The following HIVEP1 variants were observed in gnomAD, a reference collection of about 807,000 sequenced individuals.
HIVEP1 encodes HIVEP zinc finger 1, also known as zinc finger protein 40.
Under a neutral mutation model 180.0 loss-of-function variants are expected in HIVEP1, and 36 were observed. The ratio of observed to expected loss-of-function variants is 0.20; its 90% CI spans 0.15 to 0.26. The LOEUF (loss-of-function observed/expected upper bound fraction) is 0.26, where lower values mean the gene tolerates loss of function less well. Among genes scored for constraint, HIVEP1 ranks in the 10% least tolerant of loss-of-function variants. The probability of loss-of-function intolerance (pLI) is 1.00; values close to 1 mark genes in which losing one functional copy is unlikely to be tolerated. For synonymous variants in HIVEP1, 1,239 were observed against 1,239.0 expected, an observed-to-expected ratio of 1.00 and a Z score of 0.00; for missense variants, 3,143 against 3,268.7, an observed-to-expected ratio of 0.96 and a Z score of 0.94.
At chr6:12,141,277 A>G (rs1043733982) in intron 7 of HIVEP1, among the ~76,000 whole-genome samples, 2 of 152,156 alleles carry the variant, frequency 1.3e-5, no homozygotes, top group Non-Finnish European at 2.9e-5. Flanking sequence ...ACTAAGCCTC[A>G]TAAGTGAAGG....
intron 2 of HIVEP1, among the ~76,000 whole-genome samples, chr6:12,050,445 G>T (rs1357490509): frequency 6.6e-6 from 1 of 152,104 alleles, no homozygotes; most frequent in Non-Finnish European, 1.5e-5. Flanking sequence ...CACTAGCCGG[G>T]CGTAGTGGCA....
At chr6:12,055,146 G>A (rs1409206806) in intron 2 of HIVEP1, among the ~76,000 whole-genome samples, 1 of 152,174 alleles carries the variant, frequency 6.6e-6, no homozygotes, top group East Asian at 1.9e-4. Flanking sequence ...TTTTTAGAAT[G>A]TATACTTGAG....
chr6:12,173,885 G>C, the HIVEP1 span, among the ~76,000 whole-genome samples: 1 of 152,164 alleles, frequency 6.6e-6, no homozygotes, highest in African/African-American at 2.4e-5. Flanking sequence ...AGCCAGCTCT[G>C]AGATCAGTCA....
At chr6:12,184,022 TAGACAGACAGACAGACAGAC>T in the HIVEP1 span, among the ~76,000 whole-genome samples, 14 of 101,980 alleles carry the variant, frequency 1.4e-4, 1 homozygote, top group African/African-American at 4.0e-4. Flanking sequence ...GATAGATAGA[TAGACAGACAGACAGACAGAC>T]AGACAGACAG....
chr6:12,152,085 G>A (rs1759739002), intron 7 of HIVEP1, among the ~76,000 whole-genome samples: 1 of 152,124 alleles, frequency 6.6e-6, no homozygotes, highest in Non-Finnish European at 1.5e-5. Context: ...GAACCTGGGA[G>A]GCAGAGGTTG....
intron 2 of HIVEP1, among the ~76,000 whole-genome samples, chr6:12,069,585 G>A (rs1393293195): frequency 9.6e-5 from 11 of 114,680 alleles, no homozygotes; most frequent in Non-Finnish European, 1.9e-4. Flanking sequence ...GGTGGGGGGA[G>A]GGGGGAGGGA....
At chr6:12,211,954 G>A in the HIVEP1 span, among the ~76,000 whole-genome samples, 1 of 152,114 alleles carries the variant, frequency 6.6e-6, no homozygotes, top group African/African-American at 2.4e-5. Context: ...ATGATATATA[G>A]CAACCAATGC....
chr6:12,141,353 C>A (rs1360409954), intron 7 of HIVEP1, among the ~76,000 whole-genome samples: 2 of 152,074 alleles, frequency 1.3e-5, no homozygotes, highest in South Asian at 4.2e-4. Context: ...ACCTGCCTTA[C>A]GAGAGTTCCT....
chr6:12,133,666 C>T (rs566770375), intron 6 of HIVEP1, among the ~76,000 whole-genome samples: 2 of 152,230 alleles, frequency 1.3e-5, no homozygotes, highest in East Asian at 3.9e-4. Flanking sequence ...CCTGCAATGG[C>T]TGTCTATCTA....
rs1757955367 is a variant in HIVEP1 at position 12,124,819 on chromosome 6, G to C, written c.5024G>C (p.Ser1675Thr). 3 of 1,614,054 alleles carry C rather than the reference G, an allele frequency of 1.9e-6. No homozygotes were observed. Among genetic ancestry groups the C allele is most frequent in the African/African-American group, 1.3e-5 (1 of 74,920 alleles). ...CAGCCAATTTGCCAGACTAATCATA[G>C]TGTAGTGCCAATCAGTGAAGAACAA... is the stretch of plus-strand genomic sequence containing the variant. ...PNQPICQTNH[S>T]VVPISEEQNS... The change falls in exon 4 of 9, where the codon AGT becomes ACT. Residue 1675 changes from serine to threonine, a missense_variant. Physicochemically the swap from Ser to Thr is moderately conservative, Grantham distance 58 (BLOSUM62 1). Coordinates refer to ENST00000379388, the MANE Select transcript of HIVEP1 (RefSeq NM_002114.4).
At chr6:12,185,518 A>G in the HIVEP1 span, among the ~76,000 whole-genome samples, 1 of 152,228 alleles carries the variant, frequency 6.6e-6, no homozygotes, top group South Asian at 2.1e-4. Context: ...CTGACCTGGC[A>G]GAGTGGAGTC....
intron 2 of HIVEP1, among the ~76,000 whole-genome samples, chr6:12,045,365 G>C (rs1435320209): frequency 1.3e-5 from 2 of 152,240 alleles, no homozygotes; most frequent in Non-Finnish European, 2.9e-5. Flanking sequence ...CCTGAAAGGA[G>C]GGTGGAGCAT....
intron 2 of HIVEP1, among the ~76,000 whole-genome samples, chr6:12,070,828 T>C (rs1771921474): frequency 6.6e-6 from 1 of 152,236 alleles, no homozygotes. Context: ...TTCCCATCCA[T>C]CTGATCAGTA....
chr6:12,017,078 A>C (rs548020759), intron 2 of HIVEP1, among the ~76,000 whole-genome samples: 33 of 152,358 alleles, frequency 2.2e-4, no homozygotes, highest in African/African-American at 7.7e-4. Flanking sequence ...TTATTAGGCC[A>C]TAAGTATTAA....
chr6:12,091,747 T>A (rs1773489638), intron 3 of HIVEP1, among the ~76,000 whole-genome samples: 1 of 152,136 alleles, frequency 6.6e-6, no homozygotes, highest in South Asian at 2.1e-4. Context: ...TTGATTTTAA[T>A]CAATTTAGGG....
chr6:12,024,081 C>T (rs994341352), intron 2 of HIVEP1, among the ~76,000 whole-genome samples: 1 of 152,126 alleles, frequency 6.6e-6, no homozygotes, highest in South Asian at 2.1e-4. Flanking sequence ...ATACTATGCT[C>T]ATTACAGGTG....
Position 12,117,246 on chromosome 6 carries a change from C to G in HIVEP1, c.95-2644C>G, listed in dbSNP as rs763304489. On this transcript the variant is annotated intron_variant, in intron 3 of 8. Transcript: ENST00000379388. Reference sequence around the variant, plus strand: ...ATGCAAAGTTTTGAAGGGAATAGCACCAGTCAAGTGTTAAAATTAAATAGA... The same window carrying G: ...ATGCAAAGTTTTGAAGGGAATAGCAGCAGTCAAGTGTTAAAATTAAATAGA... Among the ~76,000 whole-genome samples, 25 of 152,066 alleles carry G rather than the reference C, an allele frequency of 1.6e-4. 1 individual carries two copies. Among genetic ancestry groups the G allele is most frequent in the Non-Finnish European group, 3.4e-4 (23 of 67,980 alleles).
intron 2 of HIVEP1, among the ~76,000 whole-genome samples, chr6:12,052,821 G>T (rs761824608): frequency 1.3e-5 from 2 of 152,132 alleles, no homozygotes; most frequent in African/African-American, 2.4e-5. Context: ...ACCAGATTAA[G>T]ACTAGGTAAC....
rs199541253 is a variant in HIVEP1 at position 12,125,522 on chromosome 6, C to A, written c.5727C>A (p.Ile1909=). The A allele has an allele frequency of 2.9e-4, 469 of 1,614,130 alleles. 4 individuals are homozygous for A. The Middle Eastern group carries it at 6.9e-3, about 24-fold the overall frequency. ...AAAATCAAGGTGACAAAGTGAACAT[C>A]CAAGAGCAAAGTCAACAGCCAGTCA... is the stretch of plus-strand genomic sequence containing the variant. ...GVKNQGDKVN[I]QEQSQQPVTS... Residue 1909 remains isoleucine (I), a synonymous_variant, in exon 4 of 9, where the codon ATC becomes ATA. Transcript: ENST00000379388.
Sources: allele counts gnomAD v4.1 joint callset (sites outside exome capture counted in the v4.1 genomes callset), GRCh38; gene constraint gnomAD v4.1.1; transcripts MANE v1.5; gene names NCBI Gene and HGNC (gene_info 2026-07-23, HGNC 2026-07-21).